TFEC: variants seen among roughly 807,000 people sequenced by gnomAD.
The protein encoded by TFEC is class E basic helix-loop-helix protein 34.
A neutral mutation model predicts 41.6 loss-of-function variants in TFEC; 31 were observed. That is an observed-to-expected ratio of 0.74 (90% confidence interval 0.56 to 1.01). TFEC has a LOEUF of 1.01. TFEC is among the 50% of genes least tolerant of loss of function. The pLI is 0.00. For missense variants in TFEC, 402 were observed against 404.1 expected (o/e 0.99, Z 0.04); for synonymous variants, 143 against 140.6 (o/e 1.02, Z -0.12).
intron 3 of TFEC, among the ~76,000 whole-genome samples, chr7:116,064,542 T>C (rs1796648166): frequency 6.6e-6 from 1 of 151,512 alleles, no homozygotes; most frequent in Non-Finnish European, 1.5e-5. Context: ...GAAAAGCAAC[T>C]CAAGGGGGTG....
Position 115,984,466 on chromosome 7 carries a change from G to C in TFEC, c.-25C>G. On this transcript the variant is annotated 5_prime_UTR_variant, in exon 2 of 8. Transcript: ENST00000265440. ...TGAAAGAGTTTACTTTCTGTCTCTG[G>C]GCTTTCTGTAGCTGAGGCCTTGCAG... 6.2e-7 allele frequency: 1 copy of C among 1,614,014 alleles called. No homozygotes were observed. The highest frequency in any genetic ancestry group is 1.1e-5 in the South Asian group (1 of 91,078).
Position 116,077,292 on chromosome 7 carries a change from C to G in TFEC, c.198+33416G>C, listed in dbSNP as rs538258431. On this transcript the variant is annotated intron_variant, in intron 3 of 8. Transcript: ENST00000484212. The stretch of plus-strand genomic sequence containing the variant: ...CTAAAAGGAGCTCTAAATCTTGAAA[C>G]AAATCCTTGAAATACACCAAAATAG... 7.9e-5 allele frequency among the ~76,000 whole-genome samples: 12 copies of G among 152,246 alleles called. No homozygotes were observed. In the South Asian group the frequency reaches 8.3e-4, roughly 11 times the overall value.
At chr7:116,047,197 C>T (rs1438430762) in intron 3 of TFEC, among the ~76,000 whole-genome samples, 4 of 152,164 alleles carry the variant, frequency 2.6e-5, no homozygotes, top group East Asian at 1.9e-4. Context: ...TGGAGCAGGG[C>T]GGAGCATCAC....
chr7:116,153,692 A>G (rs1798809015), intron 1 of TFEC, among the ~76,000 whole-genome samples: 1 of 152,178 alleles, frequency 6.6e-6, no homozygotes, highest in Non-Finnish European at 1.5e-5. Context: ...TTCCTTTACT[A>G]TTTTAGCAAA....
intron 1 of TFEC, among the ~76,000 whole-genome samples, chr7:116,021,194 A>G (rs1795382317): frequency 6.6e-6 from 1 of 152,212 alleles, no homozygotes; most frequent in Admixed American, 6.5e-5. Flanking sequence ...CTTTCCTCTC[A>G]TAAAAGGTTT....
At chr7:116,091,096 C>T (rs1797317219) in intron 3 of TFEC, among the ~76,000 whole-genome samples, 1 of 151,848 alleles carries the variant, frequency 6.6e-6, no homozygotes, top group Non-Finnish European at 1.5e-5. Context: ...CGCATGTATC[C>T]CAGAACTTAA....
intron 3 of TFEC, among the ~76,000 whole-genome samples, chr7:115,965,283 C>A (rs1273652868): frequency 6.6e-6 from 1 of 151,606 alleles, no homozygotes; most frequent in Non-Finnish European, 1.5e-5. Context: ...CTTAGATATT[C>A]TGATTCTGTT....
intron 3 of TFEC, among the ~76,000 whole-genome samples, chr7:116,064,556 G>A (rs921971127): frequency 7.2e-5 from 11 of 151,904 alleles, no homozygotes; most frequent in Middle Eastern, 3.2e-3. Flanking sequence ...GGGGGTGGAG[G>A]GCAAGGGGAA....
At chr7:116,057,276 T>C (rs992815444) in intron 3 of TFEC, among the ~76,000 whole-genome samples, 4 of 151,906 alleles carry the variant, frequency 2.6e-5, no homozygotes, top group African/African-American at 7.2e-5. Flanking sequence ...TTTGCAAATA[T>C]GATGAAAACT....
chr7:116,114,722 C>T (rs75872759), intron 1 of TFEC, among the ~76,000 whole-genome samples: 1 of 151,930 alleles, frequency 6.6e-6, no homozygotes, highest in Non-Finnish European at 1.5e-5. Context: ...TGACGCTTCA[C>T]AAAAGCAGCA....
chr7:116,111,067 T>C, intron 2 of TFEC: 1 of 436,102 alleles, frequency 2.3e-6, no homozygotes, highest in Non-Finnish European at 3.9e-6. Flanking sequence ...CATTATTTAA[T>C]GGTTATGGTT....
intron 3 of TFEC, among the ~76,000 whole-genome samples, chr7:116,100,693 A>G (rs1165847991): frequency 6.6e-6 from 1 of 152,118 alleles, no homozygotes; most frequent in Non-Finnish European, 1.5e-5. Context: ...CAATATTCCT[A>G]TGAGCTGCCA....
At chr7:116,099,176 C>A (rs928153312) in intron 3 of TFEC, among the ~76,000 whole-genome samples, 5 of 152,064 alleles carry the variant, frequency 3.3e-5, no homozygotes, top group African/African-American at 9.7e-5. Flanking sequence ...TACAAAGAAT[C>A]GGTATCAAAA....
intron 3 of TFEC, among the ~76,000 whole-genome samples, chr7:116,061,219 A>C (rs1438667434): frequency 6.6e-6 from 1 of 152,152 alleles, no homozygotes; most frequent in African/African-American, 2.4e-5. Context: ...CAAACTTATA[A>C]AGTTTCAATA....
chr7:115,971,702 CAG>C, intron 3 of TFEC, among the ~76,000 whole-genome samples: 1 of 152,024 alleles, frequency 6.6e-6, no homozygotes, highest in Non-Finnish European at 1.5e-5. Flanking sequence ...TTAAATTAAT[CAG>C]AAACTTCCTC....
intron 1 of TFEC, among the ~76,000 whole-genome samples, chr7:116,158,751 A>T (rs892110328): frequency 4.6e-5 from 7 of 152,096 alleles, no homozygotes; most frequent in Non-Finnish European, 1.0e-4. Flanking sequence ...AAAATGTGAT[A>T]CTAGGTCCCA....
rs947138128 is a variant in TFEC, at chr7:116,148,814, A to C, written c.-69+10976T>G. On this transcript the variant is annotated intron_variant, in intron 1 of 8. Coordinates refer to the TFEC transcript ENST00000484212. The stretch of plus-strand genomic sequence containing the variant: ...GCTCTGGAGAAAGGTTTTTCACTAT[A>C]GATGTAAATCTGCGAGTCATTCACA... Among the ~76,000 whole-genome samples the C allele has an allele frequency of 2.6e-5, 4 of 152,222 alleles. No individual in the cohort carries two copies. The East Asian group carries it at 7.7e-4, about 29-fold the overall frequency.
upstream of TFEC, among the ~76,000 whole-genome samples, chr7:116,032,581 A>G (rs1418560925): frequency 2.0e-5 from 3 of 152,178 alleles, no homozygotes; most frequent in Non-Finnish European, 4.4e-5. Context: ...TAATGCAGGA[A>G]CAGAAAACCA....
At chr7:116,000,293 T>A (rs1018272881) in intron 1 of TFEC, among the ~76,000 whole-genome samples, 6 of 151,952 alleles carry the variant, frequency 3.9e-5, no homozygotes, top group African/African-American at 1.4e-4. Context: ...AAAAACTGAA[T>A]ATAGAAGCAA....
Sources: allele counts gnomAD v4.1 joint callset (sites outside exome capture counted in the v4.1 genomes callset), GRCh38; gene constraint gnomAD v4.1.1; transcripts MANE v1.5; gene names NCBI Gene and HGNC (gene_info 2026-07-23, HGNC 2026-07-21).